CSTPP1: variants seen among roughly 807,000 people sequenced by gnomAD.
CSTPP1 encodes the protein UPF0705 protein C11orf49.
chr11:46,994,639 G>A, the CSTPP1 span, among the ~76,000 whole-genome samples: 2 of 152,182 alleles, frequency 1.3e-5, no homozygotes, highest in East Asian at 1.9e-4. Flanking sequence ...CTTGATCATG[G>A]TGGATAAGCT....
chr11:47,107,549 G>A, the CSTPP1 span, among the ~76,000 whole-genome samples: 27 of 151,696 alleles, frequency 1.8e-4, no homozygotes, highest in Non-Finnish European at 2.8e-4. Flanking sequence ...TTTTGCTTTG[G>A]TTTTTTGCCT....
the CSTPP1 span, among the ~76,000 whole-genome samples, chr11:47,065,804 C>T: frequency 2.0e-5 from 3 of 151,824 alleles, no homozygotes; most frequent in Admixed American, 2.0e-4. Flanking sequence ...AGTGTAGTGG[C>T]GTGATCTCGG....
chr11:46,940,306 C>T, the CSTPP1 span, among the ~76,000 whole-genome samples: 1 of 152,184 alleles, frequency 6.6e-6, no homozygotes, highest in Admixed American at 6.5e-5. Context: ...TTTGCTGTTA[C>T]TAAGAATGCT....
the CSTPP1 span, among the ~76,000 whole-genome samples, chr11:47,077,286 G>A: frequency 2.0e-5 from 3 of 146,882 alleles, no homozygotes; most frequent in Non-Finnish European, 3.0e-5. Context: ...TGCAACCTCC[G>A]CCTCCTGGGT....
chr11:47,161,875 G>A, the CSTPP1 span: 1 of 1,316,888 alleles, frequency 7.6e-7, no homozygotes, highest in Non-Finnish European at 9.7e-7. Context: ...TAGGCCCCAA[G>A]CTGACAGACT....
the CSTPP1 span, among the ~76,000 whole-genome samples, chr11:47,141,005 G>A: frequency 6.6e-6 from 1 of 152,066 alleles, no homozygotes; most frequent in Non-Finnish European, 1.5e-5. Context: ...GGAGGCTGAG[G>A]CAGGAGAATG....
chr11:47,155,308 C>T, the CSTPP1 span: 1 of 1,477,114 alleles, frequency 6.8e-7, no homozygotes, highest in Non-Finnish European at 9.5e-7. Flanking sequence ...ACCCTGTCTC[C>T]CTGTCCTGCC....
the CSTPP1 span, among the ~76,000 whole-genome samples, chr11:46,954,303 C>G: frequency 6.6e-6 from 1 of 152,224 alleles, no homozygotes; most frequent in South Asian, 2.1e-4. Context: ...AATCCTAGCA[C>G]GTTGGGAGGC....
At chr11:47,131,222 T>A in the CSTPP1 span, among the ~76,000 whole-genome samples, 1 of 152,170 alleles carries the variant, frequency 6.6e-6, no homozygotes, top group Non-Finnish European at 1.5e-5. Context: ...GGGTATTCTT[T>A]AGTGACACCA....
At chr11:47,112,724 G>A in the CSTPP1 span, among the ~76,000 whole-genome samples, 2 of 152,040 alleles carry the variant, frequency 1.3e-5, no homozygotes, top group African/African-American at 4.8e-5. Context: ...TGTATCCTAA[G>A]CACCTAAAAA....
At chr11:47,072,177 T>C in the CSTPP1 span, among the ~76,000 whole-genome samples, 3 of 152,354 alleles carry the variant, frequency 2.0e-5, no homozygotes, top group East Asian at 5.8e-4. Flanking sequence ...CCCAGTTGGC[T>C]GCTGTTCCCA....
the CSTPP1 span, among the ~76,000 whole-genome samples, chr11:47,024,129 A>C: frequency 1.3e-5 from 2 of 151,610 alleles, no homozygotes; most frequent in Admixed American, 1.3e-4. Flanking sequence ...TGGCATGAAC[A>C]TAGCTCACTG....
the CSTPP1 span, among the ~76,000 whole-genome samples, chr11:46,949,332 C>T: frequency 6.6e-6 from 1 of 152,158 alleles, no homozygotes; most frequent in Non-Finnish European, 1.5e-5. Flanking sequence ...TGATTGTCTT[C>T]TAAAGTCTCA....
At chr11:47,065,898 C>A in the CSTPP1 span, among the ~76,000 whole-genome samples, 3 of 151,566 alleles carry the variant, frequency 2.0e-5, no homozygotes, top group Admixed American at 2.0e-4. Context: ...GACATGCCAC[C>A]ACCCCAGCAT....
chr11:46,973,387 A>C, the CSTPP1 span, among the ~76,000 whole-genome samples: 72 of 152,312 alleles, frequency 4.7e-4, no homozygotes, highest in Non-Finnish European at 5.9e-4. Context: ...ACAACAGAGA[A>C]ACCTAAAATA....
chr11:47,142,502 T>C, the CSTPP1 span, among the ~76,000 whole-genome samples: 222 of 152,272 alleles, frequency 1.5e-3, no homozygotes, highest in Non-Finnish European at 2.6e-3. Flanking sequence ...ATATAGTTCC[T>C]GCCCCTCAAA....
chr11:46,956,788 CTT>C, the CSTPP1 span, among the ~76,000 whole-genome samples: 3 of 151,798 alleles, frequency 2.0e-5, no homozygotes, highest in African/African-American at 4.8e-5. Flanking sequence ...ATTTAGGTCT[CTT>C]ATACTACTCA....
chr11:47,068,925 T>G, the CSTPP1 span, among the ~76,000 whole-genome samples: 2 of 152,222 alleles, frequency 1.3e-5, no homozygotes. Flanking sequence ...AATTTCCTAA[T>G]CAGTGGCACA....
the CSTPP1 span, among the ~76,000 whole-genome samples, chr11:47,032,783 A>G: frequency 6.6e-6 from 1 of 152,164 alleles, no homozygotes; most frequent in Non-Finnish European, 1.5e-5. Flanking sequence ...GGAAATAAAA[A>G]CACAATGGGC....
Sources: allele counts gnomAD v4.1 joint callset (sites outside exome capture counted in the v4.1 genomes callset), GRCh38; gene constraint gnomAD v4.1.1; transcripts MANE v1.5; gene names NCBI Gene and HGNC (gene_info 2026-07-23, HGNC 2026-07-21).